The following RPAP3 variants were observed in gnomAD, a reference collection of about 807,000 sequenced individuals.
RPAP3 encodes the protein RNA polymerase II associated protein 3.
RPAP3 carries 58 observed loss-of-function variants against 88.8 expected under a neutral mutation model. The observed-to-expected ratio is 0.65, with a 90% CI of 0.53 to 0.81. The LOEUF is 0.81. Among genes scored for constraint, RPAP3 ranks in the 40% least tolerant of loss-of-function variants. The pLI is 0.00. For synonymous variants in RPAP3, 255 were observed against 259.9 expected (o/e 0.98, Z 0.18); for missense variants, 751 against 764.3 (o/e 0.98, Z 0.20).
At chr12:47,691,533 A>T (rs1449876225) in intron 5 of RPAP3, among the ~76,000 whole-genome samples, 2 of 152,202 alleles carry the variant, frequency 1.3e-5, no homozygotes, top group Admixed American at 1.3e-4. Flanking sequence ...GTCCAGATCC[A>T]CTAGAGGAAT....
At position 47,697,715 on chromosome 12, in the gene RPAP3, C is replaced by T. The variant is rs777547327; in HGVS notation, c.299G>A (p.Arg100His). ...GTCTTTGTCAAGCTCATCAAGGATA[C>T]GGTCCTAAAATCAAAAGACGGAAAA... ...YEAWAKLDVD[R>H]ILDELDKDDS... Residue 100 changes from arginine (R) to histidine (H), a missense_variant, in exon 4 of 17, where the codon CGT becomes CAT. Transcript: ENST00000005386. The T allele has an allele frequency of 1.3e-5, 20 of 1,589,374 alleles. No homozygotes were observed. Among genetic ancestry groups the T allele is most frequent in the Non-Finnish European group, 1.6e-5 (19 of 1,172,130 alleles).
chr12:47,677,676 G>GC (rs1565716180), intron 12 of RPAP3, among the ~76,000 whole-genome samples: 1 of 151,908 alleles, frequency 6.6e-6, no homozygotes, highest in Non-Finnish European at 1.5e-5. Flanking sequence ...TTGCTACAAA[G>GC]AGAATAAAAT....
chr12:47,692,720 A>G (rs138274509), intron 5 of RPAP3, among the ~76,000 whole-genome samples: 49 of 152,248 alleles, frequency 3.2e-4, no homozygotes, highest in Non-Finnish European at 2.9e-5. Flanking sequence ...TTGCATTCAC[A>G]TCTTGGCTAA....
rs767906024 is a variant in RPAP3 at position 47,668,929 on chromosome 12, T to C, written c.1700A>G (p.Tyr567Cys). The C allele has an allele frequency of 6.2e-7, 1 of 1,613,122 alleles. No individual in the cohort carries two copies. Among genetic ancestry groups the C allele is most frequent in the Non-Finnish European group, 8.5e-7 (1 of 1,179,092 alleles). The change falls in exon 14 of 17, where the codon TAT becomes TGT. Residue 567 changes from tyrosine to cysteine, a missense_variant. Tyr to Cys is a radical substitution (Grantham distance 194). Transcript: ENST00000005386. The stretch of plus-strand genomic sequence containing the variant: ...CCTCTCTCTTACCTTTAAATACTGA[T>C]ACAACATATCTGGAGAACTTTTCAA... Reference protein sequence around the residue: ...RQLKSSPDMLYQYLKQIEPSL... With the variant: ...RQLKSSPDMLCQYLKQIEPSL...
intron 15 of RPAP3, among the ~76,000 whole-genome samples, 187 bp downstream of exon 15, chr12:47,667,567 A>C (rs996759104): frequency 1.3e-5 from 2 of 152,224 alleles, no homozygotes; most frequent in Non-Finnish European, 2.9e-5. Flanking sequence ...CAATAGGTTC[A>C]GGAAAACTGT....
chr12:47,681,874 A>G lies in RPAP3; in HGVS notation c.993-57T>C. The G allele has an allele frequency of 2.7e-6, 4 of 1,478,088 alleles. No homozygotes were observed. In the South Asian group the frequency reaches 5.5e-5, roughly 20 times the overall value. 91.6% of individuals were successfully genotyped at this position (1,478,088 alleles called of 1,614,324 possible). A position where few individuals can be genotyped will look rare whatever the true frequency, so the allele number is the denominator to read the frequency against. On this transcript the variant is annotated intron_variant, in intron 9 of 16. Coordinates refer to ENST00000005386, the MANE Select transcript of RPAP3 (RefSeq NM_024604.3). ...AAAAGGCAGCTTATGGAAAAATGTC[A>G]TATAAACTAAGTTTCTAATTTAAAA... is the stretch of plus-strand genomic sequence containing the variant.
At chr12:47,702,370 AC>A (rs1939671083) in intron 2 of RPAP3, among the ~76,000 whole-genome samples, 1 of 151,310 alleles carries the variant, frequency 6.6e-6, no homozygotes, top group Non-Finnish European at 1.5e-5. Context: ...ACATGATGAG[AC>A]CCCGTCTCTA....
intron 12 of RPAP3, among the ~76,000 whole-genome samples, chr12:47,676,853 T>C (rs1465866415): frequency 1.3e-5 from 2 of 152,102 alleles, no homozygotes; most frequent in East Asian, 1.9e-4. Context: ...ACTATTCCAA[T>C]CAATAGAAAA....
chr12:47,694,062 C>T (rs1440552187), intron 5 of RPAP3, among the ~76,000 whole-genome samples: 1 of 152,100 alleles, frequency 6.6e-6, no homozygotes, highest in African/African-American at 2.4e-5. Context: ...GATATTTTAA[C>T]GAATTTGGGA....
chr12:47,678,726 A>G (rs1427816861), intron 12 of RPAP3, among the ~76,000 whole-genome samples: 9 of 152,156 alleles, frequency 5.9e-5, no homozygotes, highest in African/African-American at 2.2e-4. Context: ...TTAGAATGGC[A>G]ATCATTAAAA....
At chr12:47,679,185 G>A (rs1939173729) in intron 12 of RPAP3, among the ~76,000 whole-genome samples, 1 of 152,128 alleles carries the variant, frequency 6.6e-6, no homozygotes, top group Admixed American at 6.6e-5. Flanking sequence ...ACTCATAGGT[G>A]GGAACTGAAC....
In RPAP3 at chr12:47,702,273, C is replaced by T. The variant is rs147307885; in HGVS notation, c.153+415G>A. On this transcript the variant is annotated intron_variant, in intron 2 of 16. Coordinates refer to ENST00000005386, the MANE Select transcript of RPAP3 (RefSeq NM_024604.3). ...AAAAACACTGACAGTGGGCCGGGCA[C>T]GGTGGCTCATGCCTGTAATCCCAGC... Among the ~76,000 whole-genome samples, 319 of 152,174 alleles carry T rather than the reference C, an allele frequency of 2.1e-3. 2 individuals carry two copies. Among genetic ancestry groups the T allele is most frequent in the African/African-American group, 7.5e-3 (311 of 41,534 alleles).
chr12:47,683,399 A>G (rs1052192731), intron 9 of RPAP3, among the ~76,000 whole-genome samples: 2 of 152,222 alleles, frequency 1.3e-5, no homozygotes, highest in African/African-American at 4.8e-5. Flanking sequence ...AGCACAATAA[A>G]TATTTGCTGA....
At position 47,663,569 on chromosome 12, in the gene RPAP3, T is replaced by C; in HGVS notation, c.1934A>G (p.His645Arg). 1.3e-6 allele frequency: 2 copies of C among 1,582,692 alleles called. No homozygotes were observed. The highest frequency in any genetic ancestry group is 1.7e-6 in the Non-Finnish European group (2 of 1,165,060). ...ATCCTTCAATCCTGACTTGTCTATG[T>C]GATTAAATAATGCACGTGCAACTGA... ...EKKIARALFN[H>R]IDKSGLKDSS... Residue 645 changes from histidine to arginine, a missense_variant, in exon 17 of 17, where the codon CAC becomes CGC. Coordinates refer to ENST00000005386, the MANE Select transcript of RPAP3 (RefSeq NM_024604.3).
intron 6 of RPAP3, among the ~76,000 whole-genome samples, chr12:47,690,226 G>C (rs935247992): frequency 1.3e-5 from 2 of 152,100 alleles, no homozygotes; most frequent in African/African-American, 2.4e-5. Flanking sequence ...CCTCACTAAA[G>C]CCAACAAGAC....
intron 5 of RPAP3, among the ~76,000 whole-genome samples, chr12:47,691,415 T>A (rs916255482): frequency 6.6e-6 from 1 of 152,206 alleles, no homozygotes; most frequent in African/African-American, 2.4e-5. Context: ...TGAAATCAAC[T>A]TCTTCCAAAC....
intron 13 of RPAP3, among the ~76,000 whole-genome samples, chr12:47,669,805 A>G (rs1344164235): frequency 1.3e-5 from 2 of 152,206 alleles, no homozygotes; most frequent in African/African-American, 4.8e-5. Context: ...AAAAAACTAA[A>G]ATTTTGCTGA....
chr12:47,697,886 A>C (rs1056375145), intron 3 of RPAP3, among the ~76,000 whole-genome samples, 167 bp from the exon 4 acceptor site: 6 of 152,184 alleles, frequency 3.9e-5, no homozygotes, highest in Admixed American at 6.5e-5. Context: ...TTATATCCAG[A>C]GAAAAAGATG....
At position 47,679,612 on chromosome 12, in the gene RPAP3, A is replaced by G; in HGVS notation, c.1186-18T>C. The G allele has an allele frequency of 6.4e-7, 1 of 1,551,110 alleles. No homozygotes were observed. Among genetic ancestry groups the G allele is most frequent in the East Asian group, 2.3e-5 (1 of 43,884 alleles). On this transcript the variant is annotated intron_variant, in intron 11 of 16. Transcript: ENST00000005386. ...ATTAATTCCTTGAAAATAAATTTATAACCCTAACTTTCAAAATATTTATTA... is the reference window on the plus strand; with the variant it reads ...ATTAATTCCTTGAAAATAAATTTATGACCCTAACTTTCAAAATATTTATTA...
Sources: allele counts gnomAD v4.1 joint callset (sites outside exome capture counted in the v4.1 genomes callset), GRCh38; gene constraint gnomAD v4.1.1; transcripts MANE v1.5; gene names NCBI Gene and HGNC (gene_info 2026-07-23, HGNC 2026-07-21).